The following ZBBX variants were observed in gnomAD, a reference collection of about 807,000 sequenced individuals.
The protein encoded by ZBBX is zinc finger B-box domain containing, also known as zinc finger B-box domain-containing protein 1.
A neutral mutation model predicts 108.5 loss-of-function variants in ZBBX; 101 were observed. The observed-to-expected ratio is 0.93, with a 90% CI of 0.79 to 1.10. The LOEUF (loss-of-function observed/expected upper bound fraction) is 1.10. Among genes scored for constraint, ZBBX ranks in the 50% least tolerant of loss-of-function variants. The pLI is 0.00. For missense variants in ZBBX, 1,009 were observed against 941.4 expected, an observed-to-expected ratio of 1.07 and a Z score of -0.94; for synonymous variants, 356 against 323.4, an observed-to-expected ratio of 1.10 and a Z score of -1.08.
At chr3:167,404,155 T>A (rs1220261691) in intron 1 of ZBBX, among the ~76,000 whole-genome samples, 2 of 152,038 alleles carry the variant, frequency 1.3e-5, no homozygotes, top group Non-Finnish European at 2.9e-5. Flanking sequence ...GCCAACAAAG[T>A]AAACTTCAAA....
the ZBBX span, among the ~76,000 whole-genome samples, chr3:167,189,048 G>A: frequency 2.1e-4 from 32 of 152,202 alleles, no homozygotes; most frequent in Middle Eastern, 6.9e-3. Flanking sequence ...GAGTGAACTT[G>A]GAAAATTCCT....
Position 167,298,369 on chromosome 3 carries a change from T to A in ZBBX, c.1815A>T (p.Arg605Ser), listed in dbSNP as rs1732033759. 1.2e-6 allele frequency: 2 copies of A among 1,601,008 alleles called. No individual in the cohort carries two copies. The highest frequency in any genetic ancestry group is 1.7e-6 in the Non-Finnish European group (2 of 1,172,352). The change falls in exon 18 of 22, where the codon AGA becomes AGT. Residue 605 changes from arginine (R) to serine (S), a missense_variant. By Grantham distance (110) the Arg-to-Ser change is moderately radical (BLOSUM62 -1). Coordinates refer to ENST00000675490, the MANE Select transcript of ZBBX (RefSeq NM_001199201.2). ...ERFFIFDTNE[R>S]LNLLPSHRLE... ...AACGATGAGAAGGAAGTAAGTTGAGTCTTTCATTTGTATCAAAAATAAAGA... is the reference window on the plus strand; with the variant it reads ...AACGATGAGAAGGAAGTAAGTTGAGACTTTCATTTGTATCAAAAATAAAGA...
At chr3:167,296,676 G>T (rs879461925) in intron 18 of ZBBX, among the ~76,000 whole-genome samples, 5 of 151,916 alleles carry the variant, frequency 3.3e-5, no homozygotes, top group Non-Finnish European at 5.9e-5. Flanking sequence ...CAAGGAGGTG[G>T]AAGACTTATG....
chr3:167,352,705 T>C (rs752439261), intron 8 of ZBBX, among the ~76,000 whole-genome samples: 3 of 145,706 alleles, frequency 2.1e-5, no homozygotes, highest in Non-Finnish European at 4.5e-5. Context: ...TTAATAAACA[T>C]AGATACAAAA....
chr3:167,329,794 G>C (rs906573729), intron 10 of ZBBX, among the ~76,000 whole-genome samples: 3 of 152,166 alleles, frequency 2.0e-5, no homozygotes, highest in Non-Finnish European at 4.4e-5. Context: ...CTGCTGCACA[G>C]AGGAGCTTAA....
the ZBBX span, among the ~76,000 whole-genome samples, chr3:167,186,385 TAGGAAGGA>T: frequency 1.3e-4 from 19 of 151,002 alleles, no homozygotes; most frequent in African/African-American, 3.6e-4. Flanking sequence ...CAAATATTTG[TAGGAAGGA>T]AGGAAGGAAG....
At chr3:167,283,058 G>A (rs1228472733) in intron 19 of ZBBX, among the ~76,000 whole-genome samples, 4 of 152,128 alleles carry the variant, frequency 2.6e-5, no homozygotes, top group Non-Finnish European at 4.4e-5. Context: ...TTGAGATCAC[G>A]TCTCTAATTT....
intron 12 of ZBBX, among the ~76,000 whole-genome samples, chr3:167,318,889 C>T (rs1735919720): frequency 6.6e-6 from 1 of 151,772 alleles, no homozygotes; most frequent in Non-Finnish European, 1.5e-5. Flanking sequence ...ATATAAGCTA[C>T]TACAATGAGA....
At chr3:167,388,302 T>C (rs1344245376) in intron 1 of ZBBX, among the ~76,000 whole-genome samples, 1 of 151,852 alleles carries the variant, frequency 6.6e-6, no homozygotes, top group African/African-American at 2.4e-5. Flanking sequence ...TAAGACTATA[T>C]GGAGGGATAG....
At chr3:167,181,914 G>A in the ZBBX span, among the ~76,000 whole-genome samples, 3 of 152,164 alleles carry the variant, frequency 2.0e-5, no homozygotes, top group African/African-American at 7.2e-5. Context: ...AACATCTTTT[G>A]TGCAGCATAA....
At chr3:167,254,666 A>G (rs1560028921) in intron 20 of ZBBX, among the ~76,000 whole-genome samples, 1 of 152,154 alleles carries the variant, frequency 6.6e-6, no homozygotes, top group African/African-American at 2.4e-5. Flanking sequence ...AGAAAGCCTA[A>G]TGGAACAGAA....
chr3:167,283,853 G>C (rs541105835), intron 19 of ZBBX, among the ~76,000 whole-genome samples: 9 of 152,070 alleles, frequency 5.9e-5, no homozygotes, highest in African/African-American at 2.2e-4. Context: ...ATGTTGGCCA[G>C]GATGGTCTTG....
chr3:167,206,516 A>T, the ZBBX span, among the ~76,000 whole-genome samples: 136 of 148,812 alleles, frequency 9.1e-4, no homozygotes, highest in African/African-American at 2.7e-3. Flanking sequence ...AAAAATAAAT[A>T]AAAAAAATGT....
At chr3:167,330,970 A>G (rs1195746127) in intron 10 of ZBBX, among the ~76,000 whole-genome samples, 2 of 25,586 alleles carry the variant, frequency 7.8e-5, no homozygotes, top group Admixed American at 7.4e-4. Flanking sequence ...TCTCTCCCCC[A>G]CTCCCCTTCT....
intron 1 of ZBBX, among the ~76,000 whole-genome samples, chr3:167,406,032 C>G (rs901445304): frequency 1.3e-5 from 2 of 152,140 alleles, no homozygotes; most frequent in Admixed American, 1.3e-4. Flanking sequence ...CCATTGCTCT[C>G]CAGCCTGGGT....
At chr3:167,179,873 C>T in the ZBBX span, among the ~76,000 whole-genome samples, 97 of 152,270 alleles carry the variant, frequency 6.4e-4, no homozygotes, top group African/African-American at 2.3e-3. Context: ...AAATGGTTAT[C>T]GAGAATACCC....
At chr3:167,372,297 G>A (rs1746281632) in intron 4 of ZBBX, among the ~76,000 whole-genome samples, 1 of 152,098 alleles carries the variant, frequency 6.6e-6, no homozygotes, top group South Asian at 2.1e-4. Flanking sequence ...GTGACTGTAG[G>A]TGACATCAAA....
chr3:167,292,180 G>C (rs2108573539), intron 18 of ZBBX, among the ~76,000 whole-genome samples: 1 of 152,204 alleles, frequency 6.6e-6, no homozygotes, highest in African/African-American at 2.4e-5. Context: ...TCCAGGACTT[G>C]AACTCAGCTC....
rs752536457 is a variant in ZBBX, at chr3:167,282,419, T to C, written c.2073A>G (p.Ser691=). 6.2e-7 allele frequency: 1 copy of C among 1,613,976 alleles called. No individual in the cohort carries two copies. ...NSVKESSSCL[S]SSHPRSRSAA... ...CACTTCTTGATCGAGGATGAGAGGA[T>C]GAAAGGCAACTGGAGCTTTCTTTAA... Residue 691 remains serine (S), a synonymous_variant, in exon 20 of 22, where the codon TCA becomes TCG. Coordinates refer to ENST00000675490, the MANE Select transcript of ZBBX (RefSeq NM_001199201.2).
Sources: gnomAD v4.1 joint callset for allele counts (sites outside exome capture counted in the v4.1 genomes callset) on GRCh38, gnomAD v4.1.1 for gene constraint, MANE v1.5 for transcripts, NCBI Gene and HGNC (gene_info 2026-07-23, HGNC 2026-07-21) for gene names.